Variants in STXBP6 observed in about 807,000 individuals in gnomAD.
STXBP6 encodes syntaxin-binding protein 6.
In STXBP6, 21 loss-of-function variants were observed where a neutral mutation model predicts 26.9. The ratio of observed to expected loss-of-function variants is 0.78; its 90% CI spans 0.55 to 1.12. The LOEUF (loss-of-function observed/expected upper bound fraction) is 1.12. Ranked by LOEUF, STXBP6 falls within the 50% of genes most tolerant of loss-of-function variation. The pLI is 0.00. For synonymous variants in STXBP6, 97 were observed against 92.6 expected (o/e 1.05, Z -0.27); for missense variants, 232 against 257.9 (o/e 0.90, Z 0.69).
At chr14:24,938,627 A>T (rs2072686962) in intron 2 of STXBP6, among the ~76,000 whole-genome samples, 1 of 151,542 alleles carries the variant, frequency 6.6e-6, no homozygotes, top group Non-Finnish European at 1.5e-5. Flanking sequence ...AAACAAAGTT[A>T]GTCCATTATA....
At chr14:24,928,524 AC>A (rs1192970002) in intron 2 of STXBP6, among the ~76,000 whole-genome samples, 1 of 152,192 alleles carries the variant, frequency 6.6e-6, no homozygotes, top group Non-Finnish European at 1.5e-5. Context: ...TCTATTAACA[AC>A]CTCATACTGT....
chr14:24,833,208 C>T (rs1345971932), intron 4 of STXBP6, among the ~76,000 whole-genome samples: 1 of 152,202 alleles, frequency 6.6e-6, no homozygotes, highest in Non-Finnish European at 1.5e-5. Context: ...AGCATGGCAC[C>T]TGCACACTCC....
At chr14:24,856,151 G>A in intron 3 of STXBP6, 50 bp from the exon 4 acceptor site, 1 of 1,503,458 alleles carries the variant, frequency 6.7e-7, no homozygotes, top group Non-Finnish European at 8.9e-7. Context: ...AAAAACTGCT[G>A]TTTCTAGATT....
At chr14:24,923,499 G>A (rs1450928454) in intron 2 of STXBP6, among the ~76,000 whole-genome samples, 1 of 152,014 alleles carries the variant, frequency 6.6e-6, no homozygotes, top group Non-Finnish European at 1.5e-5. Context: ...AGCCCTATAA[G>A]CACACCTTAC....
At chr14:24,984,349 G>A (rs954783079) in intron 1 of STXBP6, among the ~76,000 whole-genome samples, 5 of 152,202 alleles carry the variant, frequency 3.3e-5, no homozygotes, top group Non-Finnish European at 7.3e-5. Context: ...GTTTGAGTAA[G>A]TTTTCTGTAA....
At chr14:25,002,604 G>A (rs1490641487) in intron 1 of STXBP6, among the ~76,000 whole-genome samples, 1 of 151,638 alleles carries the variant, frequency 6.6e-6, no homozygotes, top group Non-Finnish European at 1.5e-5. Context: ...CGTGATCCAT[G>A]TGCCTCGGCC....
chr14:24,929,325 C>T (rs1347094328), intron 2 of STXBP6, among the ~76,000 whole-genome samples: 1 of 152,212 alleles, frequency 6.6e-6, no homozygotes, highest in Non-Finnish European at 1.5e-5. Flanking sequence ...CACATGCCTA[C>T]AGAGAGCTGA....
chr14:25,003,848 A>G (rs2074825897), intron 1 of STXBP6, among the ~76,000 whole-genome samples: 1 of 152,270 alleles, frequency 6.6e-6, no homozygotes, highest in African/African-American at 2.4e-5. Flanking sequence ...GCAGCAGGAA[A>G]TGATGTTCCC....
chr14:24,943,770 A>G (rs1044729958), intron 2 of STXBP6, among the ~76,000 whole-genome samples: 1 of 152,224 alleles, frequency 6.6e-6, no homozygotes, highest in African/African-American at 2.4e-5. Flanking sequence ...AATAATGTCT[A>G]TATCTTGACC....
At chr14:25,048,233 T>A (rs577153000) in intron 1 of STXBP6, among the ~76,000 whole-genome samples, 39 of 152,372 alleles carry the variant, frequency 2.6e-4, no homozygotes, top group African/African-American at 8.9e-4. Context: ...AAGACCTGAA[T>A]GGTGCTTTTA....
At chr14:24,883,539 G>C (rs1199459096) in intron 2 of STXBP6, among the ~76,000 whole-genome samples, 1 of 152,162 alleles carries the variant, frequency 6.6e-6, no homozygotes, top group Non-Finnish European at 1.5e-5. Context: ...CAGTGCTCAT[G>C]AATGGTAGAA....
chr14:24,835,723 A>G (rs1214629388), intron 4 of STXBP6, among the ~76,000 whole-genome samples: 2 of 152,220 alleles, frequency 1.3e-5, no homozygotes, highest in African/African-American at 4.8e-5. Context: ...GGAATAAACA[A>G]AGTAGACTGT....
intron 1 of STXBP6, among the ~76,000 whole-genome samples, chr14:25,026,069 C>A (rs2094659): frequency 9.3e-4 from 142 of 152,134 alleles, no homozygotes; most frequent in African/African-American, 3.4e-3. Flanking sequence ...GATTATCCTG[C>A]CAAACTTAGG....
rs148351303 is a variant in STXBP6 at position 24,850,634 on chromosome 14, C to A, written c.451+5302G>T. ...ATCCTTTAACCTCCAGCTCAGCCAT[C>A]CCCTTACTGTCATGGCAATGTTTCA... On this transcript the variant is annotated intron_variant, in intron 4 of 5. Coordinates refer to ENST00000323944, the MANE Select transcript of STXBP6 (RefSeq NM_001394410.1). Among the ~76,000 whole-genome samples the A allele has an allele frequency of 3.6e-3, 546 of 152,244 alleles. 3 individuals carry two copies. Among genetic ancestry groups the A allele is most frequent in the Middle Eastern group, 0.014 (4 of 292 alleles).
At chr14:25,002,455 G>A (rs1267539137) in intron 1 of STXBP6, among the ~76,000 whole-genome samples, 1 of 147,660 alleles carries the variant, frequency 6.8e-6, no homozygotes, top group East Asian at 2.0e-4. Flanking sequence ...CACCTCCTGG[G>A]TTCAAGCGAT....
intron 2 of STXBP6, among the ~76,000 whole-genome samples, chr14:24,951,007 G>T (rs2073150995): frequency 6.6e-6 from 1 of 151,800 alleles, no homozygotes; most frequent in African/African-American, 2.4e-5. Flanking sequence ...TTCTGTTCTT[G>T]TGTTAGCTTG....
At chr14:24,878,746 C>T (rs1020052277) in intron 2 of STXBP6, 1 of 447,278 alleles carries the variant, frequency 2.2e-6, no homozygotes, top group Non-Finnish European at 4.5e-6. Context: ...ACACACGTTT[C>T]ATCCTCATTA....
At position 24,855,984 on chromosome 14, in the gene STXBP6, T is replaced by C. The variant is rs764627800; in HGVS notation, c.403A>G (p.Thr135Ala). 1.2e-6 allele frequency: 2 copies of C among 1,610,976 alleles called. No homozygotes were observed. The highest frequency in any genetic ancestry group is 3.4e-5 in the Admixed American group (2 of 59,504). Residue 135 changes from threonine (T) to alanine (A), a missense_variant, in exon 4 of 6, where the codon ACG (threonine) becomes GCG (alanine). Transcript: ENST00000323944. The stretch of plus-strand genomic sequence containing the variant: ...TTAATAAACTCTGGCTTCCTGTCCG[T>C]GAGGTACCTCTGGCAGGTATGGTGG... ...ILHHTCQRYLTDRKPEFINCQ... is the reference protein window; with the variant it reads ...ILHHTCQRYLADRKPEFINCQ...
intron 1 of STXBP6, among the ~76,000 whole-genome samples, chr14:25,024,332 C>CAAA (rs2075310999): frequency 6.6e-6 from 1 of 151,818 alleles, no homozygotes; most frequent in African/African-American, 2.4e-5. Flanking sequence ...ATTTTGTTTT[C>CAAA]AGTTATGTTA....
Sources: gnomAD v4.1 joint callset for allele counts (sites outside exome capture counted in the v4.1 genomes callset) on GRCh38, gnomAD v4.1.1 for gene constraint, MANE v1.5 for transcripts, NCBI Gene and HGNC (gene_info 2026-07-23, HGNC 2026-07-21) for gene names.